Variants in PIWIL2 observed in about 807,000 individuals in gnomAD.
PIWIL2 encodes piwi like RNA-mediated gene silencing 2.
PIWIL2 carries 81 observed loss-of-function variants against 116.5 expected under a neutral mutation model. The ratio of observed to expected loss-of-function variants is 0.70; its 90% CI spans 0.58 to 0.84. The LOEUF (loss-of-function observed/expected upper bound fraction) is 0.84. Among genes scored for constraint, PIWIL2 ranks in the 40% least tolerant of loss-of-function variants. The probability of loss-of-function intolerance (pLI) is 0.00; values close to 1 mark genes in which losing one functional copy is unlikely to be tolerated. For missense variants in PIWIL2, 1,272 were observed against 1,212.3 expected (o/e 1.05, Z -0.73); for synonymous variants, 489 against 429.5 (o/e 1.14, Z -1.71).
At chr8:22,314,481 G>A in intron 17 of PIWIL2, 52 bp downstream of exon 17, 1 of 893,874 alleles carries the variant, frequency 1.1e-6, no homozygotes, top group Non-Finnish European at 1.7e-6. Flanking sequence ...GCCTCCCCGA[G>A]GCTTGAGAAG....
Position 22,290,355 on chromosome 8 carries a change from A to G in PIWIL2, c.1181+9A>G, listed in dbSNP as rs1319363561. The G allele has an allele frequency of 6.7e-7, 1 of 1,492,270 alleles. No individual in the cohort carries two copies. Among genetic ancestry groups the G allele is most frequent in the East Asian group, 2.3e-5 (1 of 44,018 alleles). The allele number at this position is 1,492,270 out of a possible 1,614,324, so 92.4% of individuals were successfully genotyped here. On this transcript the variant is annotated intron_variant, in intron 10 of 22. Transcript: ENST00000356766. ...TGTGTGCTGGATGTCATGTGAGTGA[A>G]TGGTGGGGTCTATCTTTAACATGCT...
chr8:22,340,886 A>ATT (rs1171118924), intron 20 of PIWIL2, among the ~76,000 whole-genome samples: 1 of 151,826 alleles, frequency 6.6e-6, no homozygotes, highest in Non-Finnish European at 1.5e-5. Flanking sequence ...TAATTTTTTA[A>ATT]TTTTTTTGTA....
intron 10 of PIWIL2, among the ~76,000 whole-genome samples, chr8:22,295,000 A>T (rs2132011564): frequency 6.6e-6 from 1 of 151,210 alleles, no homozygotes. Flanking sequence ...AATGGCTTGA[A>T]CCTGGGAGGT....
chr8:22,334,037 G>T (rs1831923445), intron 20 of PIWIL2, among the ~76,000 whole-genome samples: 1 of 151,290 alleles, frequency 6.6e-6, no homozygotes, highest in Non-Finnish European at 1.5e-5. Flanking sequence ...GCAGTGGTAG[G>T]ATCTCAGCTC....
At position 22,355,660 on chromosome 8, in the gene PIWIL2, C is replaced by A; in HGVS notation, c.*155C>A. Reference sequence around the variant, plus strand: ...TAAGATTTCTTTCTTGTCTTTTAAACCTAATATCACCAAGAAGCAAGTTTC... The same window carrying A: ...TAAGATTTCTTTCTTGTCTTTTAAAACTAATATCACCAAGAAGCAAGTTTC... On this transcript the variant is annotated 3_prime_UTR_variant, in exon 23 of 23. Transcript: ENST00000356766. 1 of 688,358 alleles carries A rather than the reference C, an allele frequency of 1.5e-6. No homozygotes were observed. Among genetic ancestry groups the A allele is most frequent in the African/African-American group, 1.8e-5 (1 of 55,656 alleles). 42.6% of individuals were successfully genotyped at this position (688,358 alleles called of 1,614,324 possible). A position where few individuals can be genotyped will look rare whatever the true frequency, so the allele number is the denominator to read the frequency against.
chr8:22,330,177 C>T (rs982874214), intron 20 of PIWIL2, among the ~76,000 whole-genome samples: 2 of 152,140 alleles, frequency 1.3e-5, no homozygotes, highest in South Asian at 2.1e-4. Flanking sequence ...CAACTGACAT[C>T]GTTTCTGGTT....
At chr8:22,339,126 C>A (rs1832047361) in intron 20 of PIWIL2, among the ~76,000 whole-genome samples, 1 of 152,164 alleles carries the variant, frequency 6.6e-6, no homozygotes, top group Non-Finnish European at 1.5e-5. Flanking sequence ...TGGATATCCA[C>A]ATACACAAGA....
intron 20 of PIWIL2, among the ~76,000 whole-genome samples, chr8:22,330,021 G>C (rs1831820313): frequency 6.6e-6 from 1 of 152,148 alleles, no homozygotes; most frequent in Admixed American, 6.5e-5. Context: ...TATTTACTCA[G>C]ATATTCTTTT....
chr8:22,279,243 A>G, intron 1 of PIWIL2, 98 bp from the exon 2 acceptor site: 2 of 664,958 alleles, frequency 3.0e-6, no homozygotes, highest in Non-Finnish European at 5.4e-6. Flanking sequence ...TAGGCGTGTT[A>G]CTGGACTGAC....
chr8:22,299,820 C>T (rs749416340), intron 10 of PIWIL2, among the ~76,000 whole-genome samples: 25 of 152,210 alleles, frequency 1.6e-4, no homozygotes, highest in Non-Finnish European at 3.2e-4. Flanking sequence ...CTCCTCTGCA[C>T]GCCATGGGCA....
chr8:22,349,555 C>T (rs1056721098), intron 20 of PIWIL2, among the ~76,000 whole-genome samples: 6 of 151,750 alleles, frequency 4.0e-5, no homozygotes, highest in African/African-American at 1.5e-4. Flanking sequence ...AAAGGAGTAG[C>T]AGAGTCAGAC....
intron 14 of PIWIL2, among the ~76,000 whole-genome samples, chr8:22,309,068 TCTC>T (rs1383156727): frequency 6.6e-6 from 1 of 151,956 alleles, no homozygotes; most frequent in East Asian, 1.9e-4. Context: ...TTCAAGCGAT[TCTC>T]CTGCCTCAGC....
Position 22,314,341 on chromosome 8 carries a change from T to C in PIWIL2, c.2003T>C (p.Met668Thr), listed in dbSNP as rs185217581. 1 of 1,555,980 alleles carries C rather than the reference T, an allele frequency of 6.4e-7. No homozygotes were observed. Among genetic ancestry groups the C allele is most frequent in the Admixed American group, 1.9e-5 (1 of 53,872 alleles). Residue 668 changes from methionine to threonine, a missense_variant, in exon 17 of 23, where the codon ATG becomes ACG. By Grantham distance (81) the Met-to-Thr change is moderately conservative. Transcript: ENST00000356766. ...TATCTCCTCAAGGGGAAGATACAGA[T>C]GGTTGTTTGCATCATCATGGGCCCA... is the stretch of plus-strand genomic sequence containing the variant. The part of the protein sequence containing the change: ...STLGAEGKIQ[M>T]VVCIIMGPRD...
At chr8:22,333,188 T>C (rs1482701004) in intron 20 of PIWIL2, among the ~76,000 whole-genome samples, 2 of 151,976 alleles carry the variant, frequency 1.3e-5, no homozygotes, top group Non-Finnish European at 2.9e-5. Context: ...TATCAAGATA[T>C]GAGAGGAAAA....
At chr8:22,295,597 G>A (rs974031184) in intron 10 of PIWIL2, among the ~76,000 whole-genome samples, 1 of 152,092 alleles carries the variant, frequency 6.6e-6, no homozygotes, top group Non-Finnish European at 1.5e-5. Context: ...TAGCTGCTCA[G>A]CCCCGAGAGC....
At chr8:22,294,271 G>A (rs1830832892) in intron 10 of PIWIL2, among the ~76,000 whole-genome samples, 1 of 148,482 alleles carries the variant, frequency 6.7e-6, no homozygotes, top group South Asian at 2.1e-4. Flanking sequence ...CCGGGAGGCA[G>A]AGGTTGCAGT....
At position 22,284,165 on chromosome 8, in the gene PIWIL2, G is replaced by C; in HGVS notation, c.636G>C (p.Glu212Asp). 2 of 1,557,782 alleles carry C rather than the reference G, an allele frequency of 1.3e-6. No individual in the cohort carries two copies. Among genetic ancestry groups the C allele is most frequent in the Non-Finnish European group, 8.7e-7 (1 of 1,147,364 alleles). ...GCTTTTTGTTTTTATTTTCTAGAGA[G>C]CTTATTGTGAAGCAAGGATCAAAAG... The part of the protein sequence containing the change: ...LVLTVEHKEK[E>D]LIVKQGSKGT... The change falls in exon 6 of 23, where the codon GAG (glutamate) becomes GAC (aspartate). Residue 212 changes from glutamate to aspartate, a missense_variant. Physicochemically the swap from Glu to Asp is conservative, Grantham distance 45. Transcript: ENST00000356766.
intron 10 of PIWIL2, among the ~76,000 whole-genome samples, chr8:22,294,169 C>G (rs747987291): frequency 2.6e-5 from 4 of 151,624 alleles, no homozygotes; most frequent in Non-Finnish European, 4.4e-5. Context: ...GAAACCCTGT[C>G]TCTGCTAAAA....
intron 10 of PIWIL2, among the ~76,000 whole-genome samples, chr8:22,297,556 T>A (rs1830937456): frequency 6.6e-6 from 1 of 152,190 alleles, no homozygotes; most frequent in Admixed American, 6.5e-5. Context: ...AAAAAAAAAT[T>A]CATGGCACTT....
Sources: allele counts gnomAD v4.1 joint callset (sites outside exome capture counted in the v4.1 genomes callset), GRCh38; gene constraint gnomAD v4.1.1; transcripts MANE v1.5; gene names NCBI Gene and HGNC (gene_info 2026-07-23, HGNC 2026-07-21).